Variants in PRSS36 observed in about 807,000 individuals in gnomAD.
PRSS36 encodes the protein serine protease 36.
In PRSS36, 90 loss-of-function variants were observed where a neutral mutation model predicts 94.3. The observed-to-expected ratio is 0.95, with a 90% confidence interval of 0.80 to 1.14. The LOEUF (loss-of-function observed/expected upper bound fraction) is 1.14, where lower values mean the gene tolerates loss of function less well. Ranked by LOEUF, PRSS36 falls within the 50% of genes most tolerant of loss-of-function variation. The pLI is 0.00. For missense variants in PRSS36, 1,158 were observed against 1,135.0 expected (o/e 1.02, Z -0.29); for synonymous variants, 500 against 489.6 (o/e 1.02, Z -0.28).
In PRSS36 at chr16:31,140,214, C is replaced by T. The variant is rs141021803; in HGVS notation, c.2289+80G>A. On this transcript the variant is annotated intron_variant, in intron 14 of 14. Coordinates refer to ENST00000268281, the MANE Select transcript of PRSS36 (RefSeq NM_173502.5). ...CAAAAAAAAAAAAAAAAAAAAATTC[C>T]AATTCTGCTATCTCTCTAGGGTACA... 2.0e-4 allele frequency: 282 copies of T among 1,419,164 alleles called. 2 individuals carry two copies. In the East Asian group the frequency reaches 6.8e-3, roughly 34 times the overall value. 87.9% of individuals were successfully genotyped at this position (1,419,164 alleles called of 1,614,324 possible).
intron 10 of PRSS36, 22 bp downstream of exon 10, chr16:31,142,459 G>C (rs889546): frequency 7.0e-7 from 1 of 1,423,350 alleles, no homozygotes; most frequent in Non-Finnish European, 9.2e-7. Flanking sequence ...CGCGTTCCGC[G>C]GGCCCCGCCC....
Position 31,139,403 on chromosome 16 carries a change from G to A in PRSS36, c.2303C>T (p.Pro768Leu), listed in dbSNP as rs775652137. 52 of 1,613,220 alleles carry A rather than the reference G, an allele frequency of 3.2e-5. No homozygotes were observed. The highest frequency in any genetic ancestry group is 4.0e-5 in the Non-Finnish European group (47 of 1,179,514). Residue 768 changes from proline to leucine, a missense_variant, in exon 15 of 15, where the codon CCG becomes CTG. By Grantham distance (98) the Pro-to-Leu change is moderately conservative (BLOSUM62 -3). Transcript: ENST00000268281. Reference sequence around the variant, plus strand: ...TTCCGTCATCTGGCACAGGAGGGGCGGTGCTGAGGTCATCTGCAGAGTTGG... The same window carrying A: ...TTCCGTCATCTGGCACAGGAGGGGCAGTGCTGAGGTCATCTGCAGAGTTGG... ...QENRCEMTSA[P>L]PLLCQMTEGS...
chr16:31,143,504 C>T (rs747449013), intron 7 of PRSS36, 33 bp from the exon 8 acceptor site: 10 of 1,603,836 alleles, frequency 6.2e-6, no homozygotes, highest in Admixed American at 3.4e-5. Flanking sequence ...CAGTGGGCCT[C>T]CTGCAACCCA....
chr16:31,142,713 G>T (rs943234781), intron 9 of PRSS36, 24 bp downstream of exon 9: 16 of 1,356,624 alleles, frequency 1.2e-5, no homozygotes, highest in Non-Finnish European at 1.5e-5. Flanking sequence ...GTGCCGCCCG[G>T]CCCAGCGCCG....
chr16:31,141,635 A>G, intron 11 of PRSS36, 25 bp from the exon 12 acceptor site: 1 of 1,611,542 alleles, frequency 6.2e-7, no homozygotes, highest in Non-Finnish European at 8.5e-7. Flanking sequence ...TGGCCACCTC[A>G]GTTGGGGCCC....
chr16:31,145,638 C>T, intron 6 of PRSS36, 151 bp downstream of exon 6: 2 of 805,838 alleles, frequency 2.5e-6, no homozygotes, highest in East Asian at 2.7e-5. Flanking sequence ...GGCTCTGTCT[C>T]AAAATACACA....
In PRSS36 at chr16:31,148,843, G is replaced by A. The variant is rs2057845638; in HGVS notation, c.273-168C>T. 5.9e-6 allele frequency: 6 copies of A among 1,009,146 alleles called. No homozygotes were observed. In the South Asian group the frequency reaches 9.8e-5, roughly 17 times the overall value. The allele number at this position is 1,009,146 out of a possible 1,614,324, so 62.5% of individuals were successfully genotyped here. ...ATCCGATTTGGAGCTGGTGGTGGGG[G>A]GGTCATTGGAAAGATGGGATTCAGA... On this transcript the variant is annotated intron_variant, in intron 4 of 14. Transcript: ENST00000268281.
rs1237418271 is a variant in PRSS36, at chr16:31,140,565, G to C, written c.2094C>G (p.Ile698Met). The stretch of plus-strand genomic sequence containing the variant: ...GGGGGATACCCGCCGGGTGGAGACA[G>C]ATGGGCAGGGCTGATGGGGAGGGCT... ...RVEPSPSALPICLHPAGIPPG... is the reference protein window; with the variant it reads ...RVEPSPSALPMCLHPAGIPPG... The change falls in exon 13 of 15, where the codon ATC (isoleucine) becomes ATG (methionine). Residue 698 changes from isoleucine (I) to methionine (M), a missense_variant. By Grantham distance (10) the Ile-to-Met change is conservative. Transcript: ENST00000268281. 11 of 1,595,592 alleles carry C rather than the reference G, an allele frequency of 6.9e-6. No homozygotes were observed. The South Asian group carries it at 1.1e-4, about 17-fold the overall frequency.
At chr16:31,140,468 G>A (rs781358205) in intron 13 of PRSS36, 24 bp downstream of exon 13, 8 of 1,597,646 alleles carry the variant, frequency 5.0e-6, no homozygotes, top group Admixed American at 1.7e-5. Context: ...GCTACTCCTC[G>A]TTCCCGTGAC....
intron 4 of PRSS36, 42 bp downstream of exon 4, chr16:31,149,031 A>G: frequency 6.5e-7 from 1 of 1,532,806 alleles, no homozygotes; most frequent in Non-Finnish European, 8.8e-7. Flanking sequence ...GGCGGGGGCC[A>G]GCTTTTGGCG....
intron 5 of PRSS36, 44 bp from the exon 6 acceptor site, chr16:31,145,999 C>T (rs916759707): frequency 2.0e-6 from 3 of 1,530,038 alleles, no homozygotes; most frequent in African/African-American, 3.9e-5. Context: ...GCAGGTATGG[C>T]ATCCCCAGTT....
chr16:31,148,269 C>G, intron 5 of PRSS36, 126 bp downstream of exon 5: 1 of 1,059,136 alleles, frequency 9.4e-7, no homozygotes, highest in Non-Finnish European at 1.3e-6. Context: ...CCCGCAGAAA[C>G]CTACCCTCCA....
At chr16:31,142,696 C>G in intron 9 of PRSS36, 41 bp downstream of exon 9, 1 of 1,347,798 alleles carries the variant, frequency 7.4e-7, no homozygotes, top group East Asian at 3.1e-5. Context: ...GGCCCCTGCA[C>G]CGCCCGGTGC....
At position 31,142,496 on chromosome 16, in the gene PRSS36, C is replaced by G. The variant is rs2057717055; in HGVS notation, c.1506G>C (p.Glu502Asp). 1.3e-6 allele frequency: 2 copies of G among 1,488,000 alleles called. No homozygotes were observed. Among genetic ancestry groups the G allele is most frequent in the African/African-American group, 2.9e-5 (2 of 69,596 alleles). 92.2% of individuals were successfully genotyped at this position (1,488,000 alleles called of 1,614,324 possible). A position where few individuals can be genotyped will look rare whatever the true frequency, so the allele number is the denominator to read the frequency against. The change falls in exon 10 of 15, where the codon GAG becomes GAC. Residue 502 changes from glutamate to aspartate, a missense_variant. Physicochemically the swap from Glu to Asp is conservative, Grantham distance 45. Transcript: ENST00000268281. ...CGCCGCTTACCCAGCAGCTGCCCAC[C>G]TCCTCCTTTTCCTGGTAGGCAGGGC... ...ALCPAYQEKE[E>D]VGSCWNDSRW... is the part of the protein sequence containing the mutation.
rs766020952 is a variant in PRSS36, at chr16:31,143,452, C to T, written c.990G>A (p.Arg330=). Residue 330 remains arginine (R), a synonymous_variant, in exon 8 of 15, where the codon CGG becomes CGA. Coordinates refer to ENST00000268281, the MANE Select transcript of PRSS36 (RefSeq NM_173502.5). Reference sequence around the variant, plus strand: ...GGGCCTCCCAGGGCCAGGCCCCTGGCCGCGGGGCCTTCCCGCACTCTGAGG... The same window carrying T: ...GGGCCTCCCAGGGCCAGGCCCCTGGTCGCGGGGCCTTCCCGCACTCTGAGG... ...IALPECGKAP[R]PGAWPWEAQV... 4.2e-5 allele frequency: 67 copies of T among 1,609,594 alleles called. No individual in the cohort carries two copies. In the Middle Eastern group the frequency reaches 5.0e-4, roughly 12 times the overall value.
rs1189494752 is a variant in PRSS36 at position 31,141,529 on chromosome 16, A to G, written c.1841T>C (p.Val614Ala). Residue 614 changes from valine to alanine, a missense_variant, in exon 12 of 15, where the codon GTC becomes GCC. By Grantham distance (64) the Val-to-Ala change is moderately conservative. Transcript: ENST00000268281. ...TGGGGCCAGGAGGATCCCAGTGCAG[A>G]CTCGATCACCAGCCACATGCACCTC... ...LAEVHVAGDRVCTGILLAPGW... is the reference protein window; with the variant it reads ...LAEVHVAGDRACTGILLAPGW... 6.2e-7 allele frequency: 1 copy of G among 1,613,044 alleles called. No individual in the cohort carries two copies. Among genetic ancestry groups the G allele is most frequent in the Non-Finnish European group, 8.5e-7 (1 of 1,179,966 alleles).
At chr16:31,148,335 A>T in intron 5 of PRSS36, 60 bp downstream of exon 5, 1 of 1,456,858 alleles carries the variant, frequency 6.9e-7, no homozygotes. Context: ...CGCCCTAGGA[A>T]CCTCACCTCT....
At position 31,142,965 on chromosome 16, in the gene PRSS36, C is replaced by A; in HGVS notation, c.1129G>T (p.Asp377Tyr). The change falls in exon 9 of 15, where the codon GAC (aspartate) becomes TAC (tyrosine). Residue 377 changes from aspartate (D) to tyrosine (Y), a missense_variant. Transcript: ENST00000268281. ...DPNSSDSPPR[D>Y]LDAWRVLLPS... is the part of the protein sequence containing the mutation. Reference sequence around the variant, plus strand: ...AGCAGCACGCGCCAGGCGTCGAGGTCGCGGGGTGGGCTGTCGGAGCTGTTC... The same window carrying A: ...AGCAGCACGCGCCAGGCGTCGAGGTAGCGGGGTGGGCTGTCGGAGCTGTTC... 1.4e-6 allele frequency: 2 copies of A among 1,426,156 alleles called. No individual in the cohort carries two copies. The highest frequency in any genetic ancestry group is 1.8e-6 in the Non-Finnish European group (2 of 1,095,114). The allele number at this position is 1,426,156 out of a possible 1,614,324, so 88.3% of individuals were successfully genotyped here. A position where few individuals can be genotyped will look rare whatever the true frequency, so the allele number is the denominator to read the frequency against.
chr16:31,149,023 C>A, intron 4 of PRSS36, 50 bp downstream of exon 4: 3 of 1,479,900 alleles, frequency 2.0e-6, no homozygotes, highest in Non-Finnish European at 9.1e-7. Context: ...ACTGCGGGGG[C>A]GGGGGCCAGC....
Sources: allele counts gnomAD v4.1 joint callset, GRCh38; gene constraint gnomAD v4.1.1; transcripts MANE v1.5; gene names NCBI Gene and HGNC (gene_info 2026-07-23, HGNC 2026-07-21).